The following GRID2 variants were observed in gnomAD, a reference collection of about 807,000 sequenced individuals.
GRID2 encodes glutamate receptor ionotropic, delta-2.
GRID2 carries 33 observed loss-of-function variants against 114.8 expected under a neutral mutation model. That is an observed-to-expected ratio of 0.29 (90% confidence interval 0.22 to 0.38). The LOEUF (loss-of-function observed/expected upper bound fraction) is 0.38, where lower values mean the gene tolerates loss of function less well. Ranked by LOEUF, GRID2 falls within the 10% of genes least tolerant of loss-of-function variation. GRID2 has a pLI of 1.00. For missense variants in GRID2, 1,184 were observed against 1,257.7 expected (o/e 0.94, Z 0.89); for synonymous variants, 505 against 449.9 (o/e 1.12, Z -1.55).
At chr4:92,475,676 G>T (rs553516712) in intron 1 of GRID2, among the ~76,000 whole-genome samples, 3 of 151,978 alleles carry the variant, frequency 2.0e-5, no homozygotes, top group African/African-American at 7.2e-5. Flanking sequence ...GTTCTGTAAT[G>T]AATTTTAGGA....
intron 14 of GRID2, among the ~76,000 whole-genome samples, chr4:93,630,670 T>C (rs1002536554): frequency 6.6e-6 from 1 of 152,212 alleles, no homozygotes; most frequent in African/African-American, 2.4e-5. Flanking sequence ...AGATTCATGA[T>C]AGTGACACAT....
At chr4:93,534,513 A>G (rs945918453) in intron 13 of GRID2, among the ~76,000 whole-genome samples, 5 of 152,150 alleles carry the variant, frequency 3.3e-5, no homozygotes, top group Non-Finnish European at 7.4e-5. Context: ...TGTAAACTTT[A>G]TGAGGGCAAG....
At chr4:92,816,583 A>G (rs1420872316) in intron 2 of GRID2, among the ~76,000 whole-genome samples, 1 of 152,118 alleles carries the variant, frequency 6.6e-6, no homozygotes, top group Non-Finnish European at 1.5e-5. Flanking sequence ...TAAATATGCT[A>G]AAATTACAAA....
intron 14 of GRID2, among the ~76,000 whole-genome samples, chr4:93,728,433 G>T (rs1329305317): frequency 6.6e-6 from 1 of 152,090 alleles, no homozygotes; most frequent in Non-Finnish European, 1.5e-5. Flanking sequence ...GAATAGGTGT[G>T]GTGTGGTGCT....
chr4:92,749,472 A>G lies in GRID2; in HGVS notation c.244+159186A>G, dbSNP rs1024625434. Among the ~76,000 whole-genome samples, 42 of 140,842 alleles carry G rather than the reference A, an allele frequency of 3.0e-4. No individual in the cohort carries two copies. In the South Asian group the frequency reaches 3.4e-3, roughly 12 times the overall value. The allele number at this position is 140,842 out of a possible 152,430, so 92.4% of individuals were successfully genotyped here. ...TGAGACTACAGGCGCCAGCCACCACACCTGGCTAATTTTTATATTTTTAGT... is the reference window on the plus strand; with the variant it reads ...TGAGACTACAGGCGCCAGCCACCACGCCTGGCTAATTTTTATATTTTTAGT... On this transcript the variant is annotated intron_variant, in intron 2 of 15. Transcript: ENST00000282020.
At position 93,114,682 on chromosome 4, in the gene GRID2, C is replaced by A. The variant is rs1733073076; in HGVS notation, c.735+3729C>A. Among the ~76,000 whole-genome samples, 3 of 152,116 alleles carry A rather than the reference C, an allele frequency of 2.0e-5. No homozygotes were observed. In the South Asian group the frequency reaches 6.2e-4, roughly 31 times the overall value. ...TCAATTAGTTGTTCTCAGACACATC[C>A]CACCTCCTCGATGGGTTCTAGGATT... is the stretch of plus-strand genomic sequence containing the variant. On this transcript the variant is annotated intron_variant, in intron 4 of 15. Coordinates refer to ENST00000282020, the MANE Select transcript of GRID2 (RefSeq NM_001510.4).
intron 13 of GRID2, among the ~76,000 whole-genome samples, chr4:93,594,735 G>T (rs957309173): frequency 3.9e-5 from 6 of 152,086 alleles, no homozygotes; most frequent in Non-Finnish European, 5.9e-5. Context: ...TCTGAGCCAG[G>T]TGCGGGATAT....
intron 2 of GRID2, among the ~76,000 whole-genome samples, chr4:92,813,080 A>T (rs2149380398): frequency 6.6e-6 from 1 of 152,172 alleles, no homozygotes; most frequent in African/African-American, 2.4e-5. Flanking sequence ...CTCTATCTTG[A>T]AATGTCAAAT....
At chr4:93,363,191 TG>T (rs1396666742) in intron 8 of GRID2, among the ~76,000 whole-genome samples, 1 of 152,196 alleles carries the variant, frequency 6.6e-6, no homozygotes, top group African/African-American at 2.4e-5. Flanking sequence ...CACTCCAGCC[TG>T]GACGACAGAG....
intron 2 of GRID2, among the ~76,000 whole-genome samples, chr4:92,945,395 C>T (rs1157403282): frequency 2.0e-5 from 3 of 151,788 alleles, no homozygotes; most frequent in Admixed American, 1.3e-4. Flanking sequence ...TTTTTTTTCC[C>T]AATGGGAGAA....
At chr4:92,863,908 G>A (rs1424862032) in intron 2 of GRID2, among the ~76,000 whole-genome samples, 2 of 152,036 alleles carry the variant, frequency 1.3e-5, no homozygotes, top group African/African-American at 4.8e-5. Flanking sequence ...AGCTCCACAG[G>A]CTTAGCAAAA....
chr4:93,769,657 C>T (rs1187824960), intron 15 of GRID2, among the ~76,000 whole-genome samples: 1 of 152,070 alleles, frequency 6.6e-6, no homozygotes, highest in Admixed American at 6.5e-5. Flanking sequence ...GAAGAGGAGA[C>T]TATAGTGTTT....
intron 2 of GRID2, among the ~76,000 whole-genome samples, chr4:92,853,581 G>A (rs1224114167): frequency 6.6e-6 from 1 of 151,730 alleles, no homozygotes; most frequent in East Asian, 1.9e-4. Flanking sequence ...ATTTGCCAGA[G>A]CCTACCCTGA....
intron 1 of GRID2, among the ~76,000 whole-genome samples, chr4:92,485,332 ATATATATATATATATAGT>A (rs1254003160): frequency 0.03 from 3,181 of 106,382 alleles, 93 homozygotes; most frequent in Non-Finnish European, 0.042. Flanking sequence ...ATATATATAT[ATATATATATATATATAGT>A]GTGTGTGTGT....
chr4:93,038,668 G>A (rs1427027456), intron 2 of GRID2, among the ~76,000 whole-genome samples: 1 of 152,074 alleles, frequency 6.6e-6, no homozygotes, highest in Non-Finnish European at 1.5e-5. Flanking sequence ...GTGGGCACCT[G>A]TAGTCCCAGC....
Position 93,129,837 on chromosome 4 carries a change from TG to T in GRID2, c.735+18888del, listed in dbSNP as rs1734632241. ...CTTAAATTAGAACTTACAACAAATT[TG>T]GGGTGTTCCATTTCAGATGGTACCC... On this transcript the variant is annotated intron_variant, in intron 4 of 15. Coordinates refer to ENST00000282020, the MANE Select transcript of GRID2 (RefSeq NM_001510.4). Among the ~76,000 whole-genome samples, 2 of 152,152 alleles carry T rather than the reference TG, an allele frequency of 1.3e-5. 1 individual carries two copies. The highest frequency in any genetic ancestry group is 1.3e-4 in the Admixed American group (2 of 15,274).
chr4:92,632,265 G>A (rs539918707), intron 2 of GRID2, among the ~76,000 whole-genome samples: 2 of 152,204 alleles, frequency 1.3e-5, no homozygotes, highest in East Asian at 3.9e-4. Context: ...AAGGGCATCA[G>A]TTTACCTATT....
intron 1 of GRID2, among the ~76,000 whole-genome samples, chr4:92,453,803 A>C (rs1224356280): frequency 6.6e-6 from 1 of 152,158 alleles, no homozygotes; most frequent in Non-Finnish European, 1.5e-5. Context: ...AAAACATTTA[A>C]GCTATGTTTG....
chr4:92,332,171 A>C (rs971088842), intron 1 of GRID2, among the ~76,000 whole-genome samples: 1 of 151,964 alleles, frequency 6.6e-6, no homozygotes, highest in Admixed American at 6.6e-5. Context: ...GTTTATAAGG[A>C]AAAAAAAATT....
Sources: allele counts gnomAD v4.1 joint callset (sites outside exome capture counted in the v4.1 genomes callset), GRCh38; gene constraint gnomAD v4.1.1; transcripts MANE v1.5; gene names NCBI Gene and HGNC (gene_info 2026-07-23, HGNC 2026-07-21).